TBCK: variants seen among roughly 807,000 people sequenced by gnomAD.
TBCK encodes TBC1 domain containing kinase, also known as TBC domain-containing protein kinase-like protein.
TBCK carries 99 observed loss-of-function variants against 113.4 expected under a neutral mutation model. The observed-to-expected ratio is 0.87, with a 90% confidence interval of 0.74 to 1.03. The LOEUF (loss-of-function observed/expected upper bound fraction) is 1.03, where lower values mean the gene tolerates loss of function less well. Ranked by LOEUF, TBCK falls within the 50% of genes least tolerant of loss-of-function variation. The pLI is 0.00. For missense variants in TBCK, 1,045 were observed against 1,061.3 expected (o/e 0.98, Z 0.21); for synonymous variants, 369 against 370.8 (o/e 1.00, Z 0.05).
intron 3 of TBCK, among the ~76,000 whole-genome samples, chr4:106,271,237 G>T (rs1424037434): frequency 6.6e-6 from 1 of 152,082 alleles, no homozygotes; most frequent in African/African-American, 2.4e-5. Context: ...TCACAAAAAA[G>T]AGTAAGAAAA....
intron 22 of TBCK, among the ~76,000 whole-genome samples, chr4:106,191,445 A>G (rs1753654951): frequency 6.6e-6 from 1 of 152,204 alleles, no homozygotes; most frequent in Non-Finnish European, 1.5e-5. Context: ...GAACTTATTT[A>G]TTTGAAGTTT....
intron 23 of TBCK, among the ~76,000 whole-genome samples, chr4:106,122,447 CA>C: frequency 6.6e-6 from 1 of 152,114 alleles, no homozygotes; most frequent in East Asian, 1.9e-4. Context: ...ACCAGAGGTA[CA>C]AGGAGGAACT....
At chr4:106,198,006 T>C (rs1453547202) in intron 20 of TBCK, among the ~76,000 whole-genome samples, 2 of 152,162 alleles carry the variant, frequency 1.3e-5, no homozygotes, top group African/African-American at 2.4e-5. Flanking sequence ...TTTCTAAATA[T>C]GCAACTGTGA....
At chr4:106,137,837 C>T (rs1317758217) in intron 23 of TBCK, among the ~76,000 whole-genome samples, 2 of 139,602 alleles carry the variant, frequency 1.4e-5, no homozygotes, top group African/African-American at 5.0e-5. Context: ...CACAGATGTA[C>T]TCTGGAAAAA....
At chr4:106,076,754 G>A (rs1215477513) in intron 25 of TBCK, among the ~76,000 whole-genome samples, 1 of 152,084 alleles carries the variant, frequency 6.6e-6, no homozygotes, top group Non-Finnish European at 1.5e-5. Flanking sequence ...TAATTTTATA[G>A]CCCACCAACT....
intron 20 of TBCK, among the ~76,000 whole-genome samples, chr4:106,201,382 G>GGT (rs1358366631): frequency 1.3e-5 from 2 of 151,888 alleles, no homozygotes; most frequent in African/African-American, 4.8e-5. Flanking sequence ...TTGAATACCA[G>GGT]GTGGGTTTTG....
At chr4:106,276,950 T>C (rs1764092497) in intron 3 of TBCK, among the ~76,000 whole-genome samples, 1 of 151,892 alleles carries the variant, frequency 6.6e-6, no homozygotes, top group Non-Finnish European at 1.5e-5. Context: ...TGCAAAAAAA[T>C]CTAACAATAT....
rs185603339 is a variant in TBCK, at chr4:106,092,389, C to T, written c.2571+3093G>A. Among the ~76,000 whole-genome samples the T allele has an allele frequency of 1.1e-4, 17 of 152,366 alleles. No individual in the cohort carries two copies. The East Asian group carries it at 1.7e-3, about 16-fold the overall frequency. ...GTGGAGCTGCCTGCCAGTCCCACAC[C>T]GTGCACCCACACTCCTCAGCCCTTG... is the stretch of plus-strand genomic sequence containing the variant. On this transcript the variant is annotated intron_variant, in intron 25 of 25. Transcript: ENST00000394708.
chr4:106,044,872 A>G lies in TBCK; in HGVS notation c.*1698T>C, dbSNP rs1734077420. 1 of 152,224 alleles carries G rather than the reference A, an allele frequency of 6.6e-6. No individual in the cohort carries two copies. The highest frequency in any genetic ancestry group is 1.5e-5 in the Non-Finnish European group (1 of 68,036). 9.4% of individuals were successfully genotyped at this position (152,224 alleles called of 1,614,324 possible). A position where few individuals can be genotyped will look rare whatever the true frequency, so the allele number is the denominator to read the frequency against. ...GCAACAACAAAACCATGGCCCAGAA[A>G]GCTGAATTGAGGCTCTTATTGAAAT... is the stretch of plus-strand genomic sequence containing the variant. On this transcript the variant is annotated 3_prime_UTR_variant, in exon 26 of 26. Coordinates refer to ENST00000394708, the MANE Select transcript of TBCK (RefSeq NM_001163435.3).
intron 3 of TBCK, among the ~76,000 whole-genome samples, chr4:106,262,846 T>C (rs2150103404): frequency 6.6e-6 from 1 of 152,084 alleles, no homozygotes. Flanking sequence ...TTTGCAAGTC[T>C]ACTCATGCAA....
intron 3 of TBCK, among the ~76,000 whole-genome samples, chr4:106,285,468 C>T (rs1326695250): frequency 1.3e-5 from 2 of 151,938 alleles, no homozygotes; most frequent in Non-Finnish European, 1.5e-5. Flanking sequence ...AATATTAAAT[C>T]GGTCATGAAA....
Position 106,222,316 on chromosome 4 carries a change from T to C in TBCK, c.1774+8047A>G, listed in dbSNP as rs546171916. Reference sequence around the variant, plus strand: ...GTTTCTCTCCTTTAAAATGGCTTGTTATATATATTAACATGACAATCCCCA... The same window carrying C: ...GTTTCTCTCCTTTAAAATGGCTTGTCATATATATTAACATGACAATCCCCA... On this transcript the variant is annotated intron_variant, in intron 19 of 25. Transcript: ENST00000394708. 1.8e-4 allele frequency among the ~76,000 whole-genome samples: 28 copies of C among 152,254 alleles called. No individual in the cohort carries two copies. In the Middle Eastern group the frequency reaches 0.01, roughly 55 times the overall value.
chr4:106,242,360 C>T (rs1287332409), intron 12 of TBCK, 110 bp downstream of exon 12: 26 of 601,936 alleles, frequency 4.3e-5, no homozygotes, highest in Middle Eastern at 4.4e-4. Context: ...TTTACAGAAG[C>T]TCTCCCATAT....
At chr4:106,124,679 T>G (rs1236478771) in intron 23 of TBCK, among the ~76,000 whole-genome samples, 49 of 152,132 alleles carry the variant, frequency 3.2e-4, no homozygotes, top group Non-Finnish European at 5.3e-4. Context: ...CCATAAAAAA[T>G]GATGAGTTCA....
At chr4:106,267,445 T>C (rs972320418) in intron 3 of TBCK, among the ~76,000 whole-genome samples, 1 of 151,998 alleles carries the variant, frequency 6.6e-6, no homozygotes, top group African/African-American at 2.4e-5. Flanking sequence ...GCCTATAGTA[T>C]ACTTAGAAGG....
At position 106,264,692 on chromosome 4, in the gene TBCK, A is replaced by G. The variant is rs141074484; in HGVS notation, c.267-2480T>C. ...AAGAGAAAATGTCTCAGTCATCAAG[A>G]TTTAACGGATACCATAATTTTATAA... is the stretch of plus-strand genomic sequence containing the variant. On this transcript the variant is annotated intron_variant, in intron 3 of 25. Transcript: ENST00000394708. Among the ~76,000 whole-genome samples, 148 of 152,116 alleles carry G rather than the reference A, an allele frequency of 9.7e-4. 3 individuals carry two copies. The East Asian group carries it at 0.025, about 26-fold the overall frequency.
At chr4:106,196,753 TA>T (rs1280905911) in intron 20 of TBCK, among the ~76,000 whole-genome samples, 8 of 152,074 alleles carry the variant, frequency 5.3e-5, no homozygotes, top group African/African-American at 1.9e-4. Context: ...AAATTTAAAT[TA>T]AAAAATAAAG....
chr4:106,060,995 T>C (rs1735973835), intron 25 of TBCK, among the ~76,000 whole-genome samples: 1 of 151,696 alleles, frequency 6.6e-6, no homozygotes, highest in Non-Finnish European at 1.5e-5. Flanking sequence ...ACTGCTGCAA[T>C]CTCATGATAA....
At position 106,181,656 on chromosome 4, in the gene TBCK, T is replaced by A. The variant is rs192333672; in HGVS notation, c.2060-10386A>T. ...TTCCCCATTGCTTGTGTGTGTCAGG[T>A]TTGTTAAAGATCAGATGATTGTAGA... is the stretch of plus-strand genomic sequence containing the variant. On this transcript the variant is annotated intron_variant, in intron 22 of 25. Coordinates refer to ENST00000394708, the MANE Select transcript of TBCK (RefSeq NM_001163435.3). Among the ~76,000 whole-genome samples the A allele has an allele frequency of 2.1e-3, 327 of 152,250 alleles. 1 individual carries two copies. The highest frequency in any genetic ancestry group is 7.5e-3 in the African/African-American group (310 of 41,540).
Sources: gnomAD v4.1 joint callset for allele counts (sites outside exome capture counted in the v4.1 genomes callset) on GRCh38, gnomAD v4.1.1 for gene constraint, MANE v1.5 for transcripts, NCBI Gene and HGNC (gene_info 2026-07-23, HGNC 2026-07-21) for gene names.